The following STARD13 variants were observed in gnomAD, a reference collection of about 807,000 sequenced individuals.
The protein encoded by STARD13 is stAR-related lipid transfer protein 13.
In STARD13, 62 loss-of-function variants were observed where a neutral mutation model predicts 106.4. The ratio of observed to expected loss-of-function variants is 0.58; its 90% CI spans 0.48 to 0.72. The LOEUF is 0.72. STARD13 is among the 30% of genes least tolerant of loss of function. The probability of loss-of-function intolerance (pLI) is 0.00; values close to 1 mark genes in which losing one functional copy is unlikely to be tolerated. For missense variants in STARD13, 1,387 were observed against 1,424.0 expected (o/e 0.97, Z 0.42); for synonymous variants, 565 against 553.0 (o/e 1.02, Z -0.31).
intron 1 of STARD13, among the ~76,000 whole-genome samples, chr13:33,262,300 G>A (rs1193981958): frequency 1.3e-5 from 2 of 152,020 alleles, no homozygotes; most frequent in African/African-American, 4.8e-5. Context: ...TGGGAAGCTG[G>A]GCCCCGTCTG....
At chr13:33,463,568 C>T in the STARD13 span, among the ~76,000 whole-genome samples, 1 of 152,142 alleles carries the variant, frequency 6.6e-6, no homozygotes, top group Non-Finnish European at 1.5e-5. Context: ...TCGAGTCCTG[C>T]CTCCTACCTC....
chr13:33,507,081 A>G, the STARD13 span, among the ~76,000 whole-genome samples: 1 of 152,144 alleles, frequency 6.6e-6, no homozygotes, highest in Non-Finnish European at 1.5e-5. Flanking sequence ...AGCCTGGGCA[A>G]CAGAATGAGA....
At chr13:33,593,754 T>A in the STARD13 span, among the ~76,000 whole-genome samples, 313 of 152,194 alleles carry the variant, frequency 2.1e-3, 2 homozygotes, top group Middle Eastern at 3.4e-3. Context: ...CAGGTCCCAA[T>A]ATCTACATTG....
chr13:33,327,550 T>C (rs1468558290), intron 1 of STARD13, among the ~76,000 whole-genome samples: 1 of 152,050 alleles, frequency 6.6e-6, no homozygotes, highest in Non-Finnish European at 1.5e-5. Flanking sequence ...ATTAAATTTT[T>C]TGTAGAGATG....
Position 33,341,364 on chromosome 13 carries a change from C to T in STARD13, c.124+8926G>A, listed in dbSNP as rs544909534. Among the ~76,000 whole-genome samples, 77 of 152,210 alleles carry T rather than the reference C, an allele frequency of 5.1e-4. 1 individual carries two copies. In the South Asian group the frequency reaches 0.015, roughly 29 times the overall value. ...CAAGAAATTTCCGTGAACGGCATGG[C>T]GCGGTGCCTCAAGCCTGTAATCCCA... On this transcript the variant is annotated intron_variant, in intron 1 of 5. Coordinates refer to the STARD13 transcript ENST00000567873.
the STARD13 span, among the ~76,000 whole-genome samples, chr13:33,635,941 G>GCA: frequency 6.6e-6 from 1 of 151,452 alleles, no homozygotes; most frequent in Non-Finnish European, 1.5e-5. Flanking sequence ...CTGAGATAAC[G>GCA]CCACTGCACT....
At chr13:33,144,697 A>T (rs1593958272) in intron 3 of STARD13, among the ~76,000 whole-genome samples, 1 of 152,320 alleles carries the variant, frequency 6.6e-6, no homozygotes, top group East Asian at 1.9e-4. Context: ...CACGTGTGTT[A>T]GCATGTCTAC....
chr13:33,569,815 GATAAA>G, the STARD13 span, among the ~76,000 whole-genome samples: 3 of 147,506 alleles, frequency 2.0e-5, no homozygotes, highest in African/African-American at 7.5e-5. Context: ...TTAAGATAGA[GATAAA>G]ATAAAATGAA....
chr13:33,669,595 G>A, the STARD13 span, among the ~76,000 whole-genome samples: 18 of 147,066 alleles, frequency 1.2e-4, no homozygotes, highest in African/African-American at 3.6e-4. Flanking sequence ...GAGTGCAGTG[G>A]TGTGATCTCA....
At chr13:33,415,525 C>A in the STARD13 span, among the ~76,000 whole-genome samples, 1 of 152,062 alleles carries the variant, frequency 6.6e-6, no homozygotes, top group Non-Finnish European at 1.5e-5. Context: ...CTTAGGACAT[C>A]AATTAAAGAA....
At chr13:33,388,092 G>C in the STARD13 span, among the ~76,000 whole-genome samples, 4,735 of 152,278 alleles carry the variant, frequency 0.031, 119 homozygotes, top group Non-Finnish European at 0.047. Context: ...TTTCTATAAG[G>C]TGGGGACTGC....
chr13:33,372,229 G>A, the STARD13 span, among the ~76,000 whole-genome samples: 3 of 152,272 alleles, frequency 2.0e-5, no homozygotes, highest in South Asian at 2.1e-4. Context: ...GTCAGGGGTC[G>A]AGTAAATAGG....
the STARD13 span, among the ~76,000 whole-genome samples, chr13:33,460,092 A>C: frequency 2.0e-5 from 3 of 152,134 alleles, no homozygotes; most frequent in African/African-American, 7.2e-5. Context: ...TTTTCAACCA[A>C]TTTGTAAAAT....
At chr13:33,125,431 C>T (rs1877011595) in intron 7 of STARD13, among the ~76,000 whole-genome samples, 1 of 151,920 alleles carries the variant, frequency 6.6e-6, no homozygotes, top group South Asian at 2.1e-4. Flanking sequence ...ACGGACAGCA[C>T]TCTGGATTTA....
At chr13:33,168,670 C>T (rs1594026035) in intron 1 of STARD13, among the ~76,000 whole-genome samples, 1 of 152,250 alleles carries the variant, frequency 6.6e-6, no homozygotes, top group South Asian at 2.1e-4. Flanking sequence ...CTAATTTTTC[C>T]CCATAGCCAA....
chr13:33,435,527 C>T, the STARD13 span, among the ~76,000 whole-genome samples: 6 of 152,030 alleles, frequency 3.9e-5, no homozygotes, highest in East Asian at 5.8e-4. Flanking sequence ...TTCTTTTTGC[C>T]TCATGTGGCT....
chr13:33,146,499 T>A (rs1005699803), intron 3 of STARD13, among the ~76,000 whole-genome samples: 1 of 152,132 alleles, frequency 6.6e-6, no homozygotes, highest in African/African-American at 2.4e-5. Flanking sequence ...AAATAAAGTT[T>A]TATGTCACGA....
upstream of STARD13, among the ~76,000 whole-genome samples, chr13:33,289,406 A>T (rs1892200162): frequency 6.6e-6 from 1 of 152,178 alleles, no homozygotes; most frequent in South Asian, 2.1e-4. Context: ...ATGGCTTCAC[A>T]TTTTAGGTTT....
chr13:33,155,831 G>A (rs1393841268), intron 3 of STARD13, among the ~76,000 whole-genome samples: 4 of 152,086 alleles, frequency 2.6e-5, no homozygotes, highest in East Asian at 1.9e-4. Flanking sequence ...AATACAAATA[G>A]GGCCAAACAG....
Sources: gnomAD v4.1 joint callset for allele counts (sites outside exome capture counted in the v4.1 genomes callset) on GRCh38, gnomAD v4.1.1 for gene constraint, MANE v1.5 for transcripts, NCBI Gene and HGNC (gene_info 2026-07-23, HGNC 2026-07-21) for gene names.